The following ADGB variants were observed in gnomAD, a reference collection of about 807,000 sequenced individuals.
The protein encoded by ADGB is androglobin.
Under a neutral mutation model 210.5 loss-of-function variants are expected in ADGB, and 172 were observed. The observed-to-expected ratio is 0.82, with a 90% CI of 0.72 to 0.93. The LOEUF is 0.93. ADGB is among the 40% of genes least tolerant of loss of function. The pLI is 0.00. For missense variants in ADGB, 2,025 were observed against 1,964.8 expected (o/e 1.03, Z -0.58); for synonymous variants, 658 against 662.7 (o/e 0.99, Z 0.11).
intron 3 of ADGB, among the ~76,000 whole-genome samples, chr6:146,650,869 C>A (rs1281514468): frequency 2.0e-5 from 3 of 152,268 alleles, no homozygotes; most frequent in African/African-American, 7.2e-5. Context: ...GTCCTCAGAC[C>A]TTGTCTCAAA....
chr6:146,735,385 A>C (rs1264119201), intron 22 of ADGB, among the ~76,000 whole-genome samples: 1 of 151,700 alleles, frequency 6.6e-6, no homozygotes, highest in African/African-American at 2.4e-5. Context: ...GCGAGAGAGC[A>C]CATTCATGAA....
rs919964022 is a variant in ADGB, at chr6:146,784,934, A to G, written c.4212+140A>G. 30 of 856,530 alleles carry G rather than the reference A, an allele frequency of 3.5e-5. No homozygotes were observed. The African/African-American group carries it at 4.8e-4, about 14-fold the overall frequency. 53.1% of individuals were successfully genotyped at this position (856,530 alleles called of 1,614,324 possible). On this transcript the variant is annotated intron_variant, in intron 31 of 35. Transcript: ENST00000397944. ...AATTTTATCAGACAGGCATTGAATA[A>G]CTACGTTAGGACCACCTTTGGACAC...
intron 2 of ADGB, among the ~76,000 whole-genome samples, chr6:146,637,159 AG>A (rs1562261265): frequency 6.6e-6 from 1 of 152,054 alleles, no homozygotes; most frequent in Non-Finnish European, 1.5e-5. Flanking sequence ...CAACAAGGTC[AG>A]TTCCACATTC....
intron 2 of ADGB, among the ~76,000 whole-genome samples, chr6:146,637,784 T>A (rs1775446244): frequency 1.3e-5 from 2 of 152,028 alleles, no homozygotes; most frequent in African/African-American, 4.8e-5. Flanking sequence ...TAAAAATTAT[T>A]AAGCATGTGA....
chr6:146,760,906 A>C (rs1323102241), intron 27 of ADGB, among the ~76,000 whole-genome samples: 1 of 151,962 alleles, frequency 6.6e-6, no homozygotes, highest in Non-Finnish European at 1.5e-5. Context: ...TATTGATTGA[A>C]GGATTTATTC....
At chr6:146,644,172 A>G (rs1775570247) in intron 2 of ADGB, among the ~76,000 whole-genome samples, 1 of 151,864 alleles carries the variant, frequency 6.6e-6, no homozygotes, top group Non-Finnish European at 1.5e-5. Flanking sequence ...ACTGTATTAC[A>G]GTTTCACAAG....
At chr6:146,749,471 A>C (rs530966624) in intron 26 of ADGB, among the ~76,000 whole-genome samples, 1 of 152,190 alleles carries the variant, frequency 6.6e-6, no homozygotes, top group Non-Finnish European at 1.5e-5. Context: ...AAAGTACAAA[A>C]GTTGCTGTGC....
At chr6:146,692,962 C>G (rs772503061) in intron 12 of ADGB, 47 bp downstream of exon 12, 1 of 1,072,104 alleles carries the variant, frequency 9.3e-7, no homozygotes. Flanking sequence ...TTAGTAAATA[C>G]TTTGTGATGT....
intron 16 of ADGB, among the ~76,000 whole-genome samples, chr6:146,720,190 A>G (rs531548364): frequency 7.9e-5 from 12 of 152,288 alleles, no homozygotes; most frequent in Admixed American, 7.2e-4. Flanking sequence ...TTGAAAGGCA[A>G]TAATAATGCA....
intron 12 of ADGB, among the ~76,000 whole-genome samples, chr6:146,700,240 G>C (rs1776471610): frequency 6.6e-6 from 1 of 152,154 alleles, no homozygotes; most frequent in African/African-American, 2.4e-5. Flanking sequence ...CTTGGCTCCT[G>C]GCCATGTCTG....
intron 13 of ADGB, among the ~76,000 whole-genome samples, chr6:146,710,665 A>G (rs1583600537): frequency 7.3e-6 from 1 of 137,362 alleles, no homozygotes; most frequent in South Asian, 2.1e-4. Flanking sequence ...ATTGAGGAGA[A>G]TGAATATCTG....
intron 2 of ADGB, among the ~76,000 whole-genome samples, chr6:146,638,016 G>A (rs939040312): frequency 6.6e-6 from 1 of 151,968 alleles, no homozygotes; most frequent in Non-Finnish European, 1.5e-5. Context: ...AAATCCAGCA[G>A]CACATCAAAA....
intron 13 of ADGB, among the ~76,000 whole-genome samples, chr6:146,709,497 G>A (rs1581887): frequency 5.9e-5 from 9 of 152,240 alleles, no homozygotes; most frequent in South Asian, 2.1e-4. Context: ...TGGCACTTGC[G>A]TCTGCAGGAT....
chr6:146,638,613 G>GTGA, intron 2 of ADGB, among the ~76,000 whole-genome samples: 1 of 118,790 alleles, frequency 8.4e-6, no homozygotes, highest in Non-Finnish European at 1.8e-5. Context: ...GTGGGGTGGG[G>GTGA]GGGGGGGGGA....
At chr6:146,645,863 T>C (rs1441127375) in intron 3 of ADGB, among the ~76,000 whole-genome samples, 1 of 151,900 alleles carries the variant, frequency 6.6e-6, no homozygotes, top group Non-Finnish European at 1.5e-5. Flanking sequence ...ATAAAATAAA[T>C]AGAATATATA....
intron 7 of ADGB, among the ~76,000 whole-genome samples, chr6:146,668,766 T>G (rs888397703): frequency 7.2e-5 from 11 of 152,214 alleles, no homozygotes; most frequent in Non-Finnish European, 1.0e-4. Flanking sequence ...AATTCACAAC[T>G]AGAAAATTCA....
intron 25 of ADGB, among the ~76,000 whole-genome samples, chr6:146,742,618 G>A (rs369928854): frequency 6.6e-6 from 1 of 152,010 alleles, no homozygotes; most frequent in Admixed American, 6.6e-5. Context: ...TACCTTGAAA[G>A]GGCATTTACA....
At chr6:146,719,202 G>A (rs1776779457) in intron 16 of ADGB, among the ~76,000 whole-genome samples, 1 of 152,120 alleles carries the variant, frequency 6.6e-6, no homozygotes, top group South Asian at 2.1e-4. Context: ...AAAACACTTA[G>A]AAGAATGCCT....
At chr6:146,806,735 CCCTTT>C (rs2114671251) in intron 35 of ADGB, among the ~76,000 whole-genome samples, 1 of 152,248 alleles carries the variant, frequency 6.6e-6, no homozygotes, top group African/African-American at 2.4e-5. Context: ...TTGGCCACTT[CCCTTT>C]CAAGAGATGA....
Sources: allele counts gnomAD v4.1 joint callset (sites outside exome capture counted in the v4.1 genomes callset), GRCh38; gene constraint gnomAD v4.1.1; transcripts MANE v1.5; gene names NCBI Gene and HGNC (gene_info 2026-07-23, HGNC 2026-07-21).